The following MYPN variants were observed in gnomAD, a reference collection of about 807,000 sequenced individuals.
MYPN encodes myopalladin, also known as sarcomeric protein myopalladin, 145 kDa (MYOP).
MYPN carries 63 observed loss-of-function variants against 129.4 expected under a neutral mutation model. The observed-to-expected ratio is 0.49, with a 90% CI of 0.40 to 0.60. The LOEUF is 0.60. Ranked by LOEUF, MYPN falls within the 20% of genes least tolerant of loss-of-function variation. The pLI is 0.00. For missense variants in MYPN, 1,596 were observed against 1,635.4 expected, an observed-to-expected ratio of 0.98 and a Z score of 0.42; for synonymous variants, 629 against 600.9, an observed-to-expected ratio of 1.05 and a Z score of -0.68.
chr10:68,165,919 C>A, intron 9 of MYPN, 101 bp downstream of exon 9: 2 of 1,024,512 alleles, frequency 2.0e-6, no homozygotes, highest in South Asian at 2.5e-5. Context: ...ACAAAGCTGG[C>A]TTGGCTCTTC....
intron 2 of MYPN, among the ~76,000 whole-genome samples, chr10:68,130,509 T>C (rs577267860): frequency 1.0e-3 from 159 of 152,176 alleles, no homozygotes; most frequent in Non-Finnish European, 1.9e-3. Flanking sequence ...TACTACTGGA[T>C]ACTAGTCATA....
rs199694114 is a variant in MYPN, at chr10:68,122,372, T to C, written c.902+32T>C. 68 of 1,607,300 alleles carry C rather than the reference T, an allele frequency of 4.2e-5. 1 individual carries two copies. In the Admixed American group the frequency reaches 6.0e-4, roughly 14 times the overall value. ...ATGTCCCATTGGTAATGCTGAGTAA[T>C]GTTGCTTTCCATCTACCATGACCCT... is the stretch of plus-strand genomic sequence containing the variant. On this transcript the variant is annotated intron_variant, in intron 2 of 19. Coordinates refer to ENST00000358913, the MANE Select transcript of MYPN (RefSeq NM_032578.4).
At chr10:68,126,915 C>T (rs1022840984) in intron 2 of MYPN, among the ~76,000 whole-genome samples, 3 of 152,204 alleles carry the variant, frequency 2.0e-5, no homozygotes, top group Non-Finnish European at 4.4e-5. Flanking sequence ...CACAGTATCT[C>T]TGTACTTACA....
chr10:68,161,788 G>A, intron 8 of MYPN, 36 bp downstream of exon 8: 1 of 1,507,370 alleles, frequency 6.6e-7, no homozygotes, highest in African/African-American at 1.4e-5. Flanking sequence ...ATTAGTATAT[G>A]AGTGATTTTA....
At chr10:68,152,699 G>C (rs1209292453) in intron 6 of MYPN, among the ~76,000 whole-genome samples, 1 of 152,114 alleles carries the variant, frequency 6.6e-6, no homozygotes, top group African/African-American at 2.4e-5. Flanking sequence ...GCAATGGCAT[G>C]ATCTCAGCTC....
chr10:68,206,813 C>A lies in MYPN; in HGVS notation c.3703C>A (p.Pro1235Thr). The A allele has an allele frequency of 6.2e-7, 1 of 1,614,178 alleles. No individual in the cohort carries two copies. Among genetic ancestry groups the A allele is most frequent in the African/African-American group, 1.3e-5 (1 of 75,042 alleles). Residue 1235 changes from proline (P) to threonine (T), a missense_variant, in exon 19 of 20, where the codon CCA (proline) becomes ACA (threonine). Coordinates refer to ENST00000358913, the MANE Select transcript of MYPN (RefSeq NM_032578.4). Reference protein sequence around the residue: ...TTGYACLLIQPAKKSDAGWYT... With the variant: ...TTGYACLLIQTAKKSDAGWYT... ...AGGGTATGCCTGCCTTCTCATTCAG[C>A]CAGCCAAGAAATCAGACGCTGGATG...
chr10:68,166,725 C>T, intron 10 of MYPN, 59 bp downstream of exon 10: 5 of 1,599,020 alleles, frequency 3.1e-6, no homozygotes, highest in Non-Finnish European at 4.3e-6. Context: ...TGAATCTGAT[C>T]TCCTTAAAAG....
At chr10:68,192,336 C>A (rs544139817) in intron 13 of MYPN, among the ~76,000 whole-genome samples, 4 of 152,246 alleles carry the variant, frequency 2.6e-5, no homozygotes, top group Admixed American at 2.6e-4. Context: ...CCTTGCAGAG[C>A]TGAGATGAAT....
At position 68,163,188 on chromosome 10, in the gene MYPN, G is replaced by A. The variant is rs570843711; in HGVS notation, c.1483+1436G>A. 9.9e-5 allele frequency among the ~76,000 whole-genome samples: 15 copies of A among 152,230 alleles called. No individual in the cohort carries two copies. In the East Asian group the frequency reaches 1.5e-3, roughly 16 times the overall value. On this transcript the variant is annotated intron_variant, in intron 8 of 19. Coordinates refer to ENST00000358913, the MANE Select transcript of MYPN (RefSeq NM_032578.4). ...TGCATGTCTGTGGTCCCAGCTACTC[G>A]GGAGGCTCAGGTGGGAGGATCACTC...
intron 2 of MYPN, among the ~76,000 whole-genome samples, chr10:68,122,783 T>C (rs2042265693): frequency 6.6e-6 from 1 of 151,878 alleles, no homozygotes; most frequent in Non-Finnish European, 1.5e-5. Flanking sequence ...GCGCCTGTAA[T>C]CCCAGCTACT....
intron 13 of MYPN, among the ~76,000 whole-genome samples, chr10:68,192,198 T>A (rs964352965): frequency 6.6e-6 from 1 of 152,200 alleles, no homozygotes; most frequent in Non-Finnish European, 1.5e-5. Flanking sequence ...TGAGGGTTTT[T>A]TATTATAAAG....
intron 7 of MYPN, among the ~76,000 whole-genome samples, chr10:68,160,435 A>AC (rs1400346277): frequency 2.8e-5 from 2 of 70,816 alleles, no homozygotes; most frequent in Non-Finnish European, 4.6e-5. Flanking sequence ...ATCTCAAAAA[A>AC]AAAAAAAAAA....
At chr10:68,199,145 G>A (rs569689795) in intron 16 of MYPN, among the ~76,000 whole-genome samples, 83 of 152,042 alleles carry the variant, frequency 5.5e-4, no homozygotes, top group Non-Finnish European at 1.0e-3. Flanking sequence ...AATCAAATAG[G>A]TTAACCATTA....
intron 13 of MYPN, among the ~76,000 whole-genome samples, chr10:68,190,267 A>G (rs2134262304): frequency 6.6e-6 from 1 of 152,136 alleles, no homozygotes; most frequent in Non-Finnish European, 1.5e-5. Flanking sequence ...GCTCACTGCA[A>G]CCTCTGCCTC....
chr10:68,114,789 T>C (rs1489060629), intron 1 of MYPN, among the ~76,000 whole-genome samples: 3 of 152,220 alleles, frequency 2.0e-5, no homozygotes, highest in African/African-American at 7.2e-5. Flanking sequence ...TTTTACGTGA[T>C]TTGCTAAAGT....
At chr10:68,109,367 C>A (rs909698695), upstream of MYPN, 1 of 354,900 alleles carries the variant, frequency 2.8e-6, no homozygotes, top group Admixed American at 3.5e-5. Context: ...AACTGATTGA[C>A]CCCCACCCCC....
Position 68,147,068 on chromosome 10 carries a change from G to C in MYPN, c.1131-1285G>C, listed in dbSNP as rs116205541. Reference sequence around the variant, plus strand: ...CAATGAGCCATAGAGAGAGAGAGCAGTTTTGGAGTAAGCACCATTCTAAAC... The same window carrying C: ...CAATGAGCCATAGAGAGAGAGAGCACTTTTGGAGTAAGCACCATTCTAAAC... On this transcript the variant is annotated intron_variant, in intron 4 of 19. Transcript: ENST00000358913. 4.1e-3 allele frequency among the ~76,000 whole-genome samples: 619 copies of C among 152,280 alleles called. 3 individuals carry two copies. The highest frequency in any genetic ancestry group is 0.014 in the African/African-American group (600 of 41,560).
intron 1 of MYPN, among the ~76,000 whole-genome samples, chr10:68,115,306 G>A (rs1391476159): frequency 6.7e-6 from 1 of 149,212 alleles, no homozygotes; most frequent in East Asian, 2.0e-4. Context: ...GAATACTGCA[G>A]CTGAAATGTC....
intron 1 of MYPN, among the ~76,000 whole-genome samples, chr10:68,091,375 A>G (rs2041930226): frequency 6.7e-6 from 1 of 148,412 alleles, no homozygotes; most frequent in South Asian, 2.1e-4. Flanking sequence ...CATATATACC[A>G]TCAACTAGAC....
Sources: gnomAD v4.1 joint callset for allele counts (sites outside exome capture counted in the v4.1 genomes callset) on GRCh38, gnomAD v4.1.1 for gene constraint, MANE v1.5 for transcripts, NCBI Gene and HGNC (gene_info 2026-07-23, HGNC 2026-07-21) for gene names.